CLEC19A: variants seen among roughly 807,000 people sequenced by gnomAD.
The protein encoded by CLEC19A is C-type lectin domain family 19 member A.
Under a neutral mutation model 26.1 loss-of-function variants are expected in CLEC19A, and 21 were observed. The observed-to-expected ratio is 0.80, with a 90% confidence interval of 0.57 to 1.16. The LOEUF (loss-of-function observed/expected upper bound fraction) is 1.16, where lower values mean the gene tolerates loss of function less well. Ranked by LOEUF, CLEC19A falls within the 50% of genes most tolerant of loss-of-function variation. The pLI is 0.00. For synonymous variants in CLEC19A, 89 were observed against 88.6 expected (o/e 1.00, Z -0.03); for missense variants, 224 against 227.6 (o/e 0.98, Z 0.10).
intron 3 of CLEC19A, among the ~76,000 whole-genome samples, chr16:19,305,812 C>G (rs1157217202): frequency 6.6e-6 from 1 of 151,908 alleles, no homozygotes; most frequent in East Asian, 1.9e-4. Flanking sequence ...GTAGTCAGAC[C>G]TGAGTTTTTT....
intron 1 of CLEC19A, among the ~76,000 whole-genome samples, chr16:19,294,334 C>T (rs916496880): frequency 7.2e-5 from 11 of 152,250 alleles, no homozygotes; most frequent in African/African-American, 2.6e-4. Flanking sequence ...GCCCAGGGGC[C>T]AGAAACCAAG....
At chr16:19,303,811 A>G in intron 2 of CLEC19A, 1 of 380,470 alleles carries the variant, frequency 2.6e-6, no homozygotes, top group East Asian at 4.0e-5. Context: ...AGTGTTTTTG[A>G]GATGGATTTA....
intron 2 of CLEC19A, 149 bp from the exon 3 acceptor site, chr16:19,303,913 G>A (rs1431458712): frequency 4.8e-6 from 3 of 624,184 alleles, no homozygotes; most frequent in African/African-American, 1.8e-5. Context: ...CCACATATGG[G>A]TGACTTAATG....
chr16:19,303,580 A>G (rs1463084249), intron 2 of CLEC19A, among the ~76,000 whole-genome samples: 3 of 152,170 alleles, frequency 2.0e-5, no homozygotes, highest in Non-Finnish European at 2.9e-5. Flanking sequence ...TGAAGCCTAG[A>G]GCTGAGTTTC....
Position 19,309,076 on chromosome 16 carries a change from T to C in CLEC19A, c.554T>C (p.Ile185Thr). 2 of 1,547,988 alleles carry C rather than the reference T, an allele frequency of 1.3e-6. No homozygotes were observed. The highest frequency in any genetic ancestry group is 1.7e-6 in the Non-Finnish European group (2 of 1,146,438). The change falls in exon 5 of 5, where the codon ATT becomes ACT. Residue 185 changes from isoleucine (I) to threonine (T), a missense_variant. Physicochemically the swap from Ile to Thr is moderately conservative, Grantham distance 89. Transcript: ENST00000636231. ...PFVCKIPSLT[I>T]H ...GTCTGCAAAATCCCATCTCTGACCA[T>C]TCATTGATCCTGTCTTGTCCTACTG... is the stretch of plus-strand genomic sequence containing the variant.
chr16:19,289,504 C>A (rs930785557), intron 1 of CLEC19A, among the ~76,000 whole-genome samples: 3 of 152,206 alleles, frequency 2.0e-5, no homozygotes, highest in Non-Finnish European at 4.4e-5. Context: ...ATCTGTCAGA[C>A]TCAAGTCTCA....
chr16:19,295,140 A>T (rs1265660961), intron 1 of CLEC19A, among the ~76,000 whole-genome samples: 1 of 152,080 alleles, frequency 6.6e-6, no homozygotes, highest in Non-Finnish European at 1.5e-5. Context: ...CTTGAGAGTG[A>T]TCAACCAATT....
At chr16:19,286,013 C>T (rs1185126791) in intron 1 of CLEC19A, 74 bp downstream of exon 1, 5 of 1,417,946 alleles carry the variant, frequency 3.5e-6, no homozygotes, top group Non-Finnish European at 4.8e-6. Flanking sequence ...TCGGTGAGGC[C>T]TGGCAGCTTC....
chr16:19,291,311 C>A (rs187357951), intron 1 of CLEC19A, among the ~76,000 whole-genome samples: 1 of 152,266 alleles, frequency 6.6e-6, no homozygotes, highest in East Asian at 1.9e-4. Context: ...AATGAAGGAC[C>A]AGACCATCAA....
At chr16:19,307,874 A>G (rs1897991415) in intron 4 of CLEC19A, among the ~76,000 whole-genome samples, 197 bp downstream of exon 4, 1 of 152,222 alleles carries the variant, frequency 6.6e-6, no homozygotes, top group African/African-American at 2.4e-5. Flanking sequence ...TGCTTTAAAC[A>G]ACATTAAATG....
chr16:19,305,166 C>T (rs1897924641), intron 3 of CLEC19A: 1 of 152,354 alleles, frequency 6.6e-6, no homozygotes, highest in Non-Finnish European at 1.5e-5. Context: ...TTCTTCTGGT[C>T]CTCCTGAAGG....
At chr16:19,291,122 A>G (rs1052081127) in intron 1 of CLEC19A, among the ~76,000 whole-genome samples, 17 of 152,334 alleles carry the variant, frequency 1.1e-4, no homozygotes, top group Non-Finnish European at 2.5e-4. Flanking sequence ...GATTACAGGC[A>G]TGAGCCACTG....
intron 1 of CLEC19A, among the ~76,000 whole-genome samples, chr16:19,286,421 C>G (rs185750779): frequency 1.4e-4 from 21 of 152,266 alleles, no homozygotes; most frequent in South Asian, 2.1e-4. Flanking sequence ...AGGTTAGGTG[C>G]GCAGGGAGGG....
At chr16:19,292,111 T>C (rs1897603461) in intron 1 of CLEC19A, among the ~76,000 whole-genome samples, 1 of 152,230 alleles carries the variant, frequency 6.6e-6, no homozygotes, top group Admixed American at 6.5e-5. Context: ...ATTTAATTAA[T>C]TATTAATTCC....
At chr16:19,308,678 C>T (rs771024734) in intron 4 of CLEC19A, among the ~76,000 whole-genome samples, 2 of 152,182 alleles carry the variant, frequency 1.3e-5, no homozygotes, top group Non-Finnish European at 2.9e-5. Flanking sequence ...AATTGTTATT[C>T]CCTCTTTGCT....
chr16:19,286,589 C>A (rs190901757), intron 1 of CLEC19A, among the ~76,000 whole-genome samples: 1 of 152,338 alleles, frequency 6.6e-6, no homozygotes, highest in Admixed American at 6.5e-5. Context: ...ACTTCTTCCA[C>A]TTTGCAATAG....
intron 1 of CLEC19A, among the ~76,000 whole-genome samples, chr16:19,289,211 AT>A (rs1897531548): frequency 6.6e-6 from 1 of 152,158 alleles, no homozygotes; most frequent in Non-Finnish European, 1.5e-5. Flanking sequence ...TCCCTTGGAC[AT>A]TCTATCCAGT....
At chr16:19,307,821 G>A in intron 4 of CLEC19A, 144 bp downstream of exon 4, 1 of 1,051,844 alleles carries the variant, frequency 9.5e-7, no homozygotes, top group African/African-American at 1.6e-5. Flanking sequence ...AGCGGTGGAG[G>A]TCACTAGGGT....
chr16:19,309,193 T>C lies in CLEC19A; in HGVS notation c.*110T>C, dbSNP rs907142478. 1.4e-5 allele frequency: 11 copies of C among 802,878 alleles called. No individual in the cohort carries two copies. Among genetic ancestry groups the C allele is most frequent in the Non-Finnish European group, 2.2e-5 (11 of 504,586 alleles). 49.7% of individuals were successfully genotyped at this position (802,878 alleles called of 1,614,324 possible). On this transcript the variant is annotated 3_prime_UTR_variant, in exon 5 of 5. Coordinates refer to ENST00000636231, the MANE Select transcript of CLEC19A (RefSeq NM_001256720.2). ...AAAACATACATAGGAAGTAAATCTC[T>C]TGGACAGAGATTTTAAACAAGCAGA...
Sources: gnomAD v4.1 joint callset for allele counts (sites outside exome capture counted in the v4.1 genomes callset) on GRCh38, gnomAD v4.1.1 for gene constraint, MANE v1.5 for transcripts, NCBI Gene and HGNC (gene_info 2026-07-23, HGNC 2026-07-21) for gene names.